The following UBE2E3 variants were observed in gnomAD, a reference collection of about 807,000 sequenced individuals.
UBE2E3 encodes ubiquitin conjugating enzyme E2 E3, also known as ubiquitin-conjugating enzyme E2 E3.
Under a neutral mutation model 23.6 loss-of-function variants are expected in UBE2E3, and 5 were observed. The ratio of observed to expected loss-of-function variants is 0.21; its 90% CI spans 0.11 to 0.44. The LOEUF (loss-of-function observed/expected upper bound fraction) is 0.44. Ranked by LOEUF, UBE2E3 falls within the 20% of genes least tolerant of loss-of-function variation. The probability of loss-of-function intolerance (pLI) is 0.99; values close to 1 mark genes in which losing one functional copy is unlikely to be tolerated. For synonymous variants in UBE2E3, 78 were observed against 87.5 expected (o/e 0.89, Z 0.60); for missense variants, 81 against 249.8 (o/e 0.32, Z 4.55).
intron 3 of UBE2E3, chr2:180,987,380 C>A: frequency 1.3e-6 from 2 of 1,549,894 alleles, no homozygotes; most frequent in East Asian, 2.4e-5. Context: ...GTGCAAACAG[C>A]GAAAGTTTAG....
chr2:180,986,025 T>C (rs1574153877), intron 3 of UBE2E3, among the ~76,000 whole-genome samples: 1 of 152,130 alleles, frequency 6.6e-6, no homozygotes, highest in African/African-American at 2.4e-5. Context: ...CTTGTCTTTC[T>C]CTTTATATAC....
Position 181,026,388 on chromosome 2 carries a change from A to G in UBE2E3, c.246-31305A>G, listed in dbSNP as rs185137331. Among the ~76,000 whole-genome samples, 4 of 151,954 alleles carry G rather than the reference A, an allele frequency of 2.6e-5. No homozygotes were observed. In the East Asian group the frequency reaches 5.8e-4, roughly 22 times the overall value. On this transcript the variant is annotated intron_variant, in intron 3 of 5. Transcript: ENST00000410062. ...TCTTTCATTTCCATTCCCTTAACAA[A>G]TAACTGCAGTCTCTCATAGACCATT...
rs143364007 is a variant in UBE2E3 at position 181,019,005 on chromosome 2, C to T, written c.245+34912C>T. Among the ~76,000 whole-genome samples the T allele has an allele frequency of 2.9e-3, 446 of 152,148 alleles. 3 individuals carry two copies. Among genetic ancestry groups the T allele is most frequent in the African/African-American group, 0.01 (429 of 41,498 alleles). The stretch of plus-strand genomic sequence containing the variant: ...TGAGATGGAGTTTTGCTCTTGTCGC[C>T]CAGGCTGGAGGGCAGTGGTGTGATC... On this transcript the variant is annotated intron_variant, in intron 3 of 5. Coordinates refer to ENST00000410062, the MANE Select transcript of UBE2E3 (RefSeq NM_006357.4).
chr2:181,029,996 G>A (rs1440415389), intron 3 of UBE2E3, among the ~76,000 whole-genome samples: 1 of 151,788 alleles, frequency 6.6e-6, no homozygotes, highest in African/African-American at 2.4e-5. Context: ...ACCATGCCTG[G>A]CTAATTTTTG....
Position 181,001,035 on chromosome 2 carries a change from A to T in UBE2E3, c.245+16942A>T, listed in dbSNP as rs114318948. ...AGATATTAAGATTTACTGTGATGAG[A>T]TGGAGAATATGACACACTGACTCTT... is the stretch of plus-strand genomic sequence containing the variant. On this transcript the variant is annotated intron_variant, in intron 3 of 5. Transcript: ENST00000410062. 3.9e-3 allele frequency among the ~76,000 whole-genome samples: 594 copies of T among 152,292 alleles called. 5 individuals carry two copies. Among genetic ancestry groups the T allele is most frequent in the African/African-American group, 0.014 (570 of 41,558 alleles).
intron 3 of UBE2E3, among the ~76,000 whole-genome samples, chr2:181,021,475 C>A (rs974241566): frequency 8.0e-6 from 1 of 125,380 alleles, no homozygotes; most frequent in Non-Finnish European, 1.6e-5. Context: ...TTTTCTCTTT[C>A]TTTCTCTCTC....
chr2:181,058,936 A>G lies in UBE2E3; in HGVS notation c.378+1111A>G, dbSNP rs530428839. On this transcript the variant is annotated intron_variant, in intron 4 of 5. Coordinates refer to ENST00000410062, the MANE Select transcript of UBE2E3 (RefSeq NM_006357.4). ...TGTAAGATCTTGAAATTATTTTTGC[A>G]TATGGGGAAGATTAATTGAAGAAAA... Among the ~76,000 whole-genome samples, 4 of 151,824 alleles carry G rather than the reference A, an allele frequency of 2.6e-5. No homozygotes were observed. The East Asian group carries it at 5.9e-4, about 22-fold the overall frequency.
chr2:180,982,159 A>G lies in UBE2E3; in HGVS notation c.117A>G (p.Lys39=). The change falls in exon 2 of 6, where the codon AAA becomes AAG. Residue 39 remains lysine (K), a synonymous_variant. Transcript: ENST00000410062. ...APEPEEQEER[K]PSATQQKKNT... ...AGCCTGAAGAACAAGAGGAAAGAAA[A>G]CCTTCTGCCACCCAGCAGAAGAAAA... The G allele has an allele frequency of 6.2e-7, 1 of 1,613,090 alleles. No homozygotes were observed. The highest frequency in any genetic ancestry group is 8.5e-7 in the Non-Finnish European group (1 of 1,179,586).
intron 3 of UBE2E3, among the ~76,000 whole-genome samples, chr2:181,025,067 TG>T (rs1356412940): frequency 6.6e-6 from 1 of 152,018 alleles, no homozygotes; most frequent in Non-Finnish European, 1.5e-5. Context: ...GTTAGCCACA[TG>T]GAGATACGTT....
At chr2:180,987,812 T>A (rs1207281169) in intron 3 of UBE2E3, among the ~76,000 whole-genome samples, 2 of 152,120 alleles carry the variant, frequency 1.3e-5, no homozygotes, top group African/African-American at 4.8e-5. Context: ...AGAACTTTGC[T>A]ACTTAAAAGA....
chr2:181,057,909 C>T, intron 4 of UBE2E3, 84 bp downstream of exon 4: 3 of 1,367,412 alleles, frequency 2.2e-6, no homozygotes, highest in Non-Finnish European at 3.0e-6. Context: ...TGTATTGATG[C>T]AGTTATTTTG....
At chr2:181,040,823 G>A (rs922337518) in intron 3 of UBE2E3, among the ~76,000 whole-genome samples, 2 of 152,144 alleles carry the variant, frequency 1.3e-5, no homozygotes, top group Non-Finnish European at 2.9e-5. Context: ...CTGTCATATT[G>A]TTAGATCCAG....
chr2:181,059,922 A>G (rs1019317795), intron 4 of UBE2E3, among the ~76,000 whole-genome samples: 6 of 151,224 alleles, frequency 4.0e-5, no homozygotes, highest in African/African-American at 1.5e-4. Flanking sequence ...TTTCTCGGCA[A>G]CTCCAATTAT....
intron 3 of UBE2E3, among the ~76,000 whole-genome samples, chr2:180,990,698 T>G (rs932927305): frequency 6.6e-6 from 1 of 152,192 alleles, no homozygotes; most frequent in Non-Finnish European, 1.5e-5. Flanking sequence ...TGATCTAGCT[T>G]TAGGCTGGTT....
intron 3 of UBE2E3, among the ~76,000 whole-genome samples, chr2:181,035,762 T>C (rs922573553): frequency 6.6e-6 from 1 of 152,220 alleles, no homozygotes; most frequent in Non-Finnish European, 1.5e-5. Context: ...ATTCTTTTTT[T>C]AGTGTGGACA....
intron 3 of UBE2E3, among the ~76,000 whole-genome samples, chr2:181,021,483 C>A (rs1685674383): frequency 1.5e-5 from 2 of 129,516 alleles, no homozygotes; most frequent in African/African-American, 6.0e-5. Flanking sequence ...TTCTTTCTCT[C>A]TCTCTCTTCC....
chr2:180,983,974 C>A, intron 2 of UBE2E3, 69 bp from the exon 3 acceptor site: 2 of 1,251,552 alleles, frequency 1.6e-6, no homozygotes, highest in Non-Finnish European at 2.3e-6. Context: ...TGGTAGAGGG[C>A]AGTGTAATTC....
chr2:180,987,976 A>C (rs911820624), intron 3 of UBE2E3, among the ~76,000 whole-genome samples: 1 of 152,168 alleles, frequency 6.6e-6, no homozygotes, highest in Non-Finnish European at 1.5e-5. Flanking sequence ...GTACTGGAGC[A>C]AGACTGTCTG....
chr2:180,991,688 T>C (rs1212531876), intron 3 of UBE2E3, among the ~76,000 whole-genome samples: 1 of 152,170 alleles, frequency 6.6e-6, no homozygotes, highest in Admixed American at 6.5e-5. Context: ...ATTGTTAGTG[T>C]TAGTGTATTT....
Sources: allele counts gnomAD v4.1 joint callset (sites outside exome capture counted in the v4.1 genomes callset), GRCh38; gene constraint gnomAD v4.1.1; transcripts MANE v1.5; gene names NCBI Gene and HGNC (gene_info 2026-07-23, HGNC 2026-07-21).